Variants in SLC9B2 observed in about 807,000 individuals in gnomAD.
The protein encoded by SLC9B2 is solute carrier family 9 member B2.
A neutral mutation model predicts 52.2 loss-of-function variants in SLC9B2; 39 were observed. That is an observed-to-expected ratio of 0.75 (90% CI 0.58 to 0.98). The LOEUF (loss-of-function observed/expected upper bound fraction) is 0.98. SLC9B2 is among the 50% of genes least tolerant of loss of function. SLC9B2 has a pLI of 0.00. For missense variants in SLC9B2, 626 were observed against 637.5 expected (o/e 0.98, Z 0.19); for synonymous variants, 214 against 227.0 (o/e 0.94, Z 0.51).
At position 103,050,356 on chromosome 4, in the gene SLC9B2, T is replaced by C; in HGVS notation, c.469A>G (p.Arg157Gly). The change falls in exon 5 of 12, where the codon AGA (arginine) becomes GGA (glycine). Residue 157 changes from arginine to glycine, a missense_variant. Transcript: ENST00000394785. ...LGMLLAGFLI[R>G]NIPVINDNVQ... ...TTATCGTTGATGACTGGGATATTTCTGATGAGAAACCCTGCAAGCAGCATG... is the reference window on the plus strand; with the variant it reads ...TTATCGTTGATGACTGGGATATTTCCGATGAGAAACCCTGCAAGCAGCATG... 6.2e-7 allele frequency: 1 copy of C among 1,603,200 alleles called. No individual in the cohort carries two copies. The highest frequency in any genetic ancestry group is 2.3e-5 in the East Asian group (1 of 44,332).
At chr4:103,071,370 A>ATTTTTTTTTTTTTTT (rs1290778171) in intron 1 of SLC9B2, among the ~76,000 whole-genome samples, 1 of 143,352 alleles carries the variant, frequency 7.0e-6, no homozygotes, top group African/African-American at 2.7e-5. Flanking sequence ...CGCCTGGCTA[A>ATTTTTTTTTTTTTTT]TTTTTGTATT....
Position 103,047,208 on chromosome 4 carries a change from T to C in SLC9B2, c.732A>G (p.Val244=), listed in dbSNP as rs749003701. 5 of 1,613,156 alleles carry C rather than the reference T, an allele frequency of 3.1e-6. No individual in the cohort carries two copies. Among genetic ancestry groups the C allele is most frequent in the Non-Finnish European group, 3.4e-6 (4 of 1,179,534 alleles). Residue 244 remains valine (V), a synonymous_variant, in exon 7 of 12, where the codon GTA becomes GTG. Transcript: ENST00000394785. The part of the protein sequence containing the change: ...GFILGFVLGA[V]SPAVVVPSML... ...TTGAAGGCACCACAACAGCTGGAGA[T>C]ACAGCACCTAAAACAAAACTAGGCA... is the stretch of plus-strand genomic sequence containing the variant.
chr4:103,049,485 TG>T (rs1172247292), intron 5 of SLC9B2, among the ~76,000 whole-genome samples: 2 of 152,084 alleles, frequency 1.3e-5, no homozygotes, highest in African/African-American at 4.8e-5. Context: ...AAAACATACA[TG>T]AAAAAAAAGC....
intron 3 of SLC9B2, 40 bp from the exon 4 acceptor site, chr4:103,058,011 G>A: frequency 1.3e-6 from 2 of 1,536,662 alleles, no homozygotes; most frequent in Non-Finnish European, 1.8e-6. Context: ...TCAATAAGTT[G>A]TCACATGGAG....
intron 11 of SLC9B2, 78 bp downstream of exon 11, chr4:103,028,669 A>G: frequency 6.8e-7 from 1 of 1,461,848 alleles, no homozygotes; most frequent in Non-Finnish European, 9.2e-7. Context: ...CTAAATTTAA[A>G]CAAGCCCTCT....
intron 11 of SLC9B2, among the ~76,000 whole-genome samples, chr4:103,027,350 C>T (rs949602960): frequency 3.9e-5 from 6 of 152,024 alleles, no homozygotes; most frequent in African/African-American, 1.5e-4. Flanking sequence ...ATATATATTA[C>T]TTTAGAGCTT....
At chr4:103,065,116 T>G (rs928680791) in intron 3 of SLC9B2, among the ~76,000 whole-genome samples, 5 of 151,580 alleles carry the variant, frequency 3.3e-5, no homozygotes, top group African/African-American at 7.3e-5. Context: ...GACCAATGCC[T>G]TGACATGTAA....
At chr4:103,043,533 A>G (rs761262042) in intron 8 of SLC9B2, 88 bp from the exon 9 acceptor site, 3 of 1,223,724 alleles carry the variant, frequency 2.5e-6, no homozygotes, top group Non-Finnish European at 3.4e-6. Context: ...ATTTAGAAAG[A>G]AAATAAAAAT....
intron 5 of SLC9B2, among the ~76,000 whole-genome samples, chr4:103,049,921 G>A (rs1744514023): frequency 6.6e-6 from 1 of 151,840 alleles, no homozygotes; most frequent in African/African-American, 2.4e-5. Flanking sequence ...CCTGAGGCAG[G>A]AGAATCACTT....
intron 3 of SLC9B2, among the ~76,000 whole-genome samples, chr4:103,058,370 A>G (rs1745340219): frequency 6.6e-6 from 1 of 152,002 alleles, no homozygotes; most frequent in East Asian, 1.9e-4. Context: ...CTTTTTTGAA[A>G]TCATCATTCA....
intron 3 of SLC9B2, among the ~76,000 whole-genome samples, chr4:103,059,092 A>G (rs1339015935): frequency 6.6e-6 from 1 of 152,200 alleles, no homozygotes; most frequent in Non-Finnish European, 1.5e-5. Context: ...TTTCCATTTG[A>G]AAACTTGTGT....
chr4:103,071,253 G>C (rs1054832288), intron 1 of SLC9B2, among the ~76,000 whole-genome samples: 2 of 151,758 alleles, frequency 1.3e-5, no homozygotes, highest in South Asian at 4.2e-4. Flanking sequence ...ACCCAGGCTG[G>C]AGTGCAGTGG....
At chr4:103,049,041 T>A in intron 5 of SLC9B2, 21 bp from the exon 6 acceptor site, 1 of 1,611,046 alleles carries the variant, frequency 6.2e-7, no homozygotes, top group East Asian at 2.2e-5. Context: ...AAAGTAGACA[T>A]CCTAATATAA....
intron 9 of SLC9B2, among the ~76,000 whole-genome samples, chr4:103,034,437 C>T (rs1742983124): frequency 6.6e-6 from 1 of 151,982 alleles, no homozygotes; most frequent in African/African-American, 2.4e-5. Flanking sequence ...TGTGACAAAA[C>T]AAAAAATTGA....
intron 6 of SLC9B2, among the ~76,000 whole-genome samples, chr4:103,048,342 C>T (rs1744359164): frequency 1.3e-5 from 2 of 152,182 alleles, no homozygotes; most frequent in African/African-American, 4.8e-5. Context: ...CCGGAAAAAT[C>T]ACAAGGCTGG....
In SLC9B2 at chr4:103,045,137, G is replaced by A. The variant is rs116491323; in HGVS notation, c.890-141C>T. ...TTCTGCTTTCCATATTCTTAAATAT[G>A]TAAGTGGAACCTACATTTTCCCCCA... On this transcript the variant is annotated intron_variant, in intron 7 of 11. Transcript: ENST00000394785. 346 of 617,492 alleles carry A rather than the reference G, an allele frequency of 5.6e-4. 1 individual carries two copies. The highest frequency in any genetic ancestry group is 8.0e-4 in the Non-Finnish European group (287 of 357,916). The allele number at this position is 617,492 out of a possible 1,614,324, so 38.3% of individuals were successfully genotyped here. A position where few individuals can be genotyped will look rare whatever the true frequency, so the allele number is the denominator to read the frequency against.
At chr4:103,019,693 G>T, downstream of SLC9B2, 4 of 985,536 alleles carry the variant, frequency 4.1e-6, no homozygotes, top group Non-Finnish European at 4.8e-6. Context: ...GGGCAGGGTG[G>T]TGACGCGAAA....
chr4:103,045,366 A>C (rs547208447), intron 7 of SLC9B2, among the ~76,000 whole-genome samples: 2 of 152,310 alleles, frequency 1.3e-5, no homozygotes, highest in East Asian at 3.9e-4. Flanking sequence ...AAGTAATTTT[A>C]TTTAGCTAGG....
rs1742043417 is a variant in SLC9B2, at chr4:103,024,551, G to C, written c.*1819C>G. On this transcript the variant is annotated 3_prime_UTR_variant, in exon 12 of 12. Transcript: ENST00000394785. ...GGCTCGAACAGAAGTCTAATGAAGA[G>C]AGGAATGGACAGGCTTTATTTATGC... Among the ~76,000 whole-genome samples, 1 of 152,204 alleles carries C rather than the reference G, an allele frequency of 6.6e-6. No individual in the cohort carries two copies. Among genetic ancestry groups the C allele is most frequent in the Admixed American group, 6.5e-5 (1 of 15,284 alleles).
Sources: gnomAD v4.1 joint callset for allele counts (sites outside exome capture counted in the v4.1 genomes callset) on GRCh38, gnomAD v4.1.1 for gene constraint, MANE v1.5 for transcripts, NCBI Gene and HGNC (gene_info 2026-07-23, HGNC 2026-07-21) for gene names.